ANKS1B: variants seen among roughly 807,000 people sequenced by gnomAD.
ANKS1B encodes ankyrin repeat and sterile alpha motif domain-containing protein 1B.
In ANKS1B, 36 loss-of-function variants were observed where a neutral mutation model predicts 148.3. That is an observed-to-expected ratio of 0.24 (90% CI 0.19 to 0.32). The LOEUF (loss-of-function observed/expected upper bound fraction) is 0.32. Ranked by LOEUF, ANKS1B falls within the 10% of genes least tolerant of loss-of-function variation. ANKS1B has a pLI of 1.00. For synonymous variants in ANKS1B, 542 were observed against 560.8 expected, an observed-to-expected ratio of 0.97 and a Z score of 0.47; for missense variants, 1,157 against 1,542.6, an observed-to-expected ratio of 0.75 and a Z score of 4.19.
chr12:99,462,679 T>C (rs2096002740), intron 10 of ANKS1B, among the ~76,000 whole-genome samples: 1 of 152,228 alleles, frequency 6.6e-6, no homozygotes, highest in Non-Finnish European at 1.5e-5. Context: ...TTCTCTGATA[T>C]GGTTTGTATA....
At chr12:99,299,781 A>T (rs937426195) in intron 12 of ANKS1B, among the ~76,000 whole-genome samples, 1 of 152,196 alleles carries the variant, frequency 6.6e-6, no homozygotes, top group African/African-American at 2.4e-5. Flanking sequence ...ATTTTTTAAA[A>T]ATCCCTTTTT....
intron 17 of ANKS1B, among the ~76,000 whole-genome samples, chr12:99,021,530 CAAAT>C (rs1368172451): frequency 7.2e-5 from 11 of 152,046 alleles, no homozygotes; most frequent in East Asian, 3.9e-4. Flanking sequence ...AAAAGAAAGA[CAAAT>C]GAATGATACT....
chr12:98,911,983 T>C (rs1195980213), intron 17 of ANKS1B, among the ~76,000 whole-genome samples: 1 of 152,228 alleles, frequency 6.6e-6, no homozygotes, highest in Non-Finnish European at 1.5e-5. Context: ...ATTAGTTCTC[T>C]GCCTGGAAGG....
At chr12:99,006,354 C>T (rs1299557759) in intron 17 of ANKS1B, among the ~76,000 whole-genome samples, 3 of 152,180 alleles carry the variant, frequency 2.0e-5, no homozygotes, top group Non-Finnish European at 4.4e-5. Context: ...GGGACACAGT[C>T]CCTGCTTTTG....
At chr12:99,249,388 A>G (rs768601859) in intron 12 of ANKS1B, among the ~76,000 whole-genome samples, 20 of 152,214 alleles carry the variant, frequency 1.3e-4, no homozygotes, top group Non-Finnish European at 2.6e-4. Context: ...TACAATGACT[A>G]TAATTACCAC....
chr12:98,809,097 A>G (rs1344745894), intron 19 of ANKS1B, among the ~76,000 whole-genome samples: 1 of 152,142 alleles, frequency 6.6e-6, no homozygotes, highest in Non-Finnish European at 1.5e-5. Flanking sequence ...TTTGCTTTCC[A>G]TGTCTTCTGT....
intron 15 of ANKS1B, among the ~76,000 whole-genome samples, chr12:99,137,686 T>A (rs2153785314): frequency 6.6e-6 from 1 of 152,268 alleles, no homozygotes; most frequent in East Asian, 1.9e-4. Context: ...ATGTATTTCC[T>A]CTTTTCATTT....
chr12:98,775,436 C>T (rs1213531031), intron 24 of ANKS1B, among the ~76,000 whole-genome samples: 1 of 151,862 alleles, frequency 6.6e-6, no homozygotes. Flanking sequence ...CTGGAGCCCT[C>T]TTCTTCTCTT....
chr12:99,085,063 T>C, intron 15 of ANKS1B, 40 bp from the exon 16 acceptor site: 1 of 1,466,544 alleles, frequency 6.8e-7, no homozygotes, highest in Non-Finnish European at 9.4e-7. Flanking sequence ...AATCAAGCAT[T>C]TATACTGTGG....
intron 12 of ANKS1B, among the ~76,000 whole-genome samples, chr12:99,364,735 T>C (rs777694597): frequency 1.3e-5 from 2 of 152,200 alleles, no homozygotes; most frequent in Non-Finnish European, 2.9e-5. Flanking sequence ...TTTTATATCA[T>C]AAACTTATCT....
chr12:98,900,621 T>TAG (rs2099770681), intron 17 of ANKS1B, among the ~76,000 whole-genome samples: 2 of 152,216 alleles, frequency 1.3e-5, no homozygotes, highest in Non-Finnish European at 2.9e-5. Context: ...AAAGCTCTGA[T>TAG]AATTTAGAGT....
chr12:99,046,411 A>C (rs1276548340), intron 17 of ANKS1B, among the ~76,000 whole-genome samples: 1 of 152,202 alleles, frequency 6.6e-6, no homozygotes, highest in Non-Finnish European at 1.5e-5. Flanking sequence ...TACAATTAGA[A>C]GACAAAGATA....
intron 17 of ANKS1B, among the ~76,000 whole-genome samples, chr12:98,960,684 G>C (rs777688686): frequency 6.6e-6 from 1 of 151,584 alleles, no homozygotes; most frequent in Non-Finnish European, 1.5e-5. Flanking sequence ...CAATCCCAGA[G>C]AGACAGAGAT....
chr12:99,357,607 G>T (rs1332279545), intron 12 of ANKS1B, among the ~76,000 whole-genome samples: 1 of 152,144 alleles, frequency 6.6e-6, no homozygotes. Context: ...ATCTGTTTAT[G>T]TGTCTGTGTC....
intron 2 of ANKS1B, among the ~76,000 whole-genome samples, chr12:99,813,696 C>T (rs945775557): frequency 1.7e-4 from 25 of 151,430 alleles, no homozygotes; most frequent in South Asian, 2.1e-4. Flanking sequence ...TTTAAAAAAA[C>T]AAGAATATGT....
At chr12:99,403,106 G>T (rs1320676208) in intron 11 of ANKS1B, among the ~76,000 whole-genome samples, 1 of 137,586 alleles carries the variant, frequency 7.3e-6, no homozygotes, top group African/African-American at 2.8e-5. Flanking sequence ...ATTGTTAGCT[G>T]CATGTATGTC....
chr12:98,795,157 T>C (rs759703913), intron 22 of ANKS1B, among the ~76,000 whole-genome samples: 22 of 152,240 alleles, frequency 1.4e-4, no homozygotes, highest in Admixed American at 5.2e-4. Context: ...CAAAAATTCA[T>C]GGCTAGTGAT....
At chr12:99,952,665 C>T (rs2095248425) in intron 1 of ANKS1B, among the ~76,000 whole-genome samples, 1 of 152,172 alleles carries the variant, frequency 6.6e-6, no homozygotes, top group African/African-American at 2.4e-5. Flanking sequence ...CCATGTTCTG[C>T]TCTGTGTTTT....
At chr12:99,772,502 T>C (rs1249352196) in intron 8 of ANKS1B, among the ~76,000 whole-genome samples, 1 of 152,130 alleles carries the variant, frequency 6.6e-6, no homozygotes, top group African/African-American at 2.4e-5. Flanking sequence ...TCTCCTACTA[T>C]GACTTCAGGA....
Sources: allele counts gnomAD v4.1 joint callset (sites outside exome capture counted in the v4.1 genomes callset), GRCh38; gene constraint gnomAD v4.1.1; transcripts MANE v1.5; gene names NCBI Gene and HGNC (gene_info 2026-07-23, HGNC 2026-07-21).